Variants in GRIP1 observed in about 807,000 individuals in gnomAD.
GRIP1 encodes the protein glutamate receptor interacting protein 1, also known as glutamate receptor-interacting protein 1.
Under a neutral mutation model 129.9 loss-of-function variants are expected in GRIP1, and 45 were observed. That is an observed-to-expected ratio of 0.35 (90% CI 0.27 to 0.44). GRIP1 has a LOEUF of 0.44. Ranked by LOEUF, GRIP1 falls within the 20% of genes least tolerant of loss-of-function variation. The pLI is 1.00. For missense variants in GRIP1, 1,196 were observed against 1,396.8 expected (o/e 0.86, Z 2.29); for synonymous variants, 530 against 520.8 (o/e 1.02, Z -0.24).
chr12:66,906,895 T>C (rs755255221), intron 1 of GRIP1, among the ~76,000 whole-genome samples: 5 of 152,214 alleles, frequency 3.3e-5, no homozygotes, highest in African/African-American at 4.8e-5. Flanking sequence ...AAGGTTCCCA[T>C]AGACCTTTCC....
At chr12:66,849,190 T>G (rs527828900) in intron 1 of GRIP1, among the ~76,000 whole-genome samples, 4 of 152,252 alleles carry the variant, frequency 2.6e-5, no homozygotes, top group African/African-American at 7.2e-5. Flanking sequence ...ACCTCAGTGC[T>G]GGACTCACTC....
At chr12:66,901,897 T>C (rs2040849735) in intron 1 of GRIP1, among the ~76,000 whole-genome samples, 1 of 152,210 alleles carries the variant, frequency 6.6e-6, no homozygotes, top group Admixed American at 6.5e-5. Flanking sequence ...AGCAACGGCA[T>C]ACATAAAGTC....
intron 1 of GRIP1, among the ~76,000 whole-genome samples, chr12:67,060,026 C>T (rs2043504047): frequency 6.6e-6 from 1 of 152,156 alleles, no homozygotes; most frequent in Non-Finnish European, 1.5e-5. Flanking sequence ...TGCTATGGAA[C>T]CCCATGCCTG....
At chr12:67,012,241 AATT>A (rs1383823624) in intron 1 of GRIP1, among the ~76,000 whole-genome samples, 1 of 152,234 alleles carries the variant, frequency 6.6e-6, no homozygotes, top group Non-Finnish European at 1.5e-5. Flanking sequence ...AACCCTACAG[AATT>A]ATGATACAGG....
intron 1 of GRIP1, among the ~76,000 whole-genome samples, chr12:66,841,741 G>A (rs2039721006): frequency 6.6e-6 from 1 of 152,142 alleles, no homozygotes; most frequent in Non-Finnish European, 1.5e-5. Context: ...ACCAGAAATT[G>A]AGGAGCCATA....
chr12:66,455,132 T>C (rs879818216), intron 11 of GRIP1, among the ~76,000 whole-genome samples: 11 of 152,036 alleles, frequency 7.2e-5, no homozygotes, highest in Non-Finnish European at 1.3e-4. Context: ...TGTTATGACA[T>C]CAAAAGAGCA....
intron 1 of GRIP1, among the ~76,000 whole-genome samples, chr12:66,890,654 G>A (rs1427069209): frequency 6.6e-6 from 1 of 151,668 alleles, no homozygotes; most frequent in African/African-American, 2.4e-5. Flanking sequence ...ATAAAATTAG[G>A]GGAAAAAAGA....
chr12:66,539,595 T>C (rs2061713838), intron 3 of GRIP1, among the ~76,000 whole-genome samples: 1 of 139,394 alleles, frequency 7.2e-6, no homozygotes, highest in South Asian at 2.4e-4. Context: ...AACCAGTTGG[T>C]TCTCTGGGAT....
intron 1 of GRIP1, among the ~76,000 whole-genome samples, chr12:67,050,950 G>A (rs1275560266): frequency 6.6e-6 from 1 of 152,170 alleles, no homozygotes; most frequent in Non-Finnish European, 1.5e-5. Flanking sequence ...CTACGGGAAT[G>A]TCAGGACCTA....
intron 1 of GRIP1, among the ~76,000 whole-genome samples, chr12:67,038,840 T>C (rs1311262190): frequency 3.9e-5 from 6 of 152,180 alleles, no homozygotes; most frequent in Admixed American, 2.6e-4. Context: ...TGATCTACAA[T>C]TGACTTTTAA....
intron 1 of GRIP1, among the ~76,000 whole-genome samples, chr12:67,051,518 G>A (rs747308611): frequency 5.3e-5 from 8 of 152,168 alleles, no homozygotes; most frequent in East Asian, 1.9e-4. Flanking sequence ...AGCCATCAGC[G>A]AAGACCTCAA....
chr12:66,657,308 C>A (rs550366917), intron 1 of GRIP1, among the ~76,000 whole-genome samples: 9 of 152,278 alleles, frequency 5.9e-5, no homozygotes, highest in Admixed American at 6.5e-5. Context: ...CCGCCCCATT[C>A]GCCGCCACAC....
intron 1 of GRIP1, among the ~76,000 whole-genome samples, chr12:66,655,996 A>G (rs541804071): frequency 5.3e-5 from 8 of 152,346 alleles, no homozygotes; most frequent in African/African-American, 1.7e-4. Context: ...ACTGAAGATC[A>G]GGTGAAGGAC....
intron 1 of GRIP1, chr12:67,065,077 T>C (rs1230954881): frequency 6.6e-6 from 1 of 152,024 alleles, no homozygotes; most frequent in Admixed American, 6.5e-5. Context: ...ACAAAGGACA[T>C]GAACTCATCA....
intron 11 of GRIP1, among the ~76,000 whole-genome samples, chr12:66,449,455 G>C (rs775127281): frequency 7.9e-5 from 12 of 152,080 alleles, no homozygotes; most frequent in Non-Finnish European, 1.3e-4. Context: ...AAAAAAAATC[G>C]ACTTTTCCTT....
At chr12:66,864,407 T>C (rs182043816) in intron 1 of GRIP1, among the ~76,000 whole-genome samples, 110 of 152,204 alleles carry the variant, frequency 7.2e-4, no homozygotes, top group African/African-American at 2.6e-3. Context: ...TCTGACCATA[T>C]AAAATAATTT....
intron 1 of GRIP1, among the ~76,000 whole-genome samples, chr12:66,664,665 T>C (rs953799856): frequency 5.3e-5 from 8 of 152,202 alleles, no homozygotes; most frequent in Middle Eastern, 3.2e-3. Context: ...TAAGCTGGGT[T>C]AATAAATTTC....
At chr12:66,475,132 A>G (rs1180934580) in intron 7 of GRIP1, among the ~76,000 whole-genome samples, 1 of 152,234 alleles carries the variant, frequency 6.6e-6, no homozygotes, top group African/African-American at 2.4e-5. Context: ...GGATGGAGGA[A>G]GATCTACCAA....
chr12:66,389,467 A>G (rs1431390224), intron 19 of GRIP1, among the ~76,000 whole-genome samples: 1 of 152,098 alleles, frequency 6.6e-6, no homozygotes, highest in African/African-American at 2.4e-5. Context: ...ACCTCAGGTG[A>G]TTTGCCCACC....
Sources: allele counts gnomAD v4.1 joint callset (sites outside exome capture counted in the v4.1 genomes callset), GRCh38; gene constraint gnomAD v4.1.1; transcripts MANE v1.5; gene names NCBI Gene and HGNC (gene_info 2026-07-23, HGNC 2026-07-21).